The following WWOX variants were observed in gnomAD, a reference collection of about 807,000 sequenced individuals.
WWOX encodes WW domain containing oxidoreductase.
In WWOX, 69 loss-of-function variants were observed where a neutral mutation model predicts 46.2. That is an observed-to-expected ratio of 1.49 (90% confidence interval 1.23 to 1.82). The LOEUF is 1.82. Among genes scored for constraint, WWOX ranks in the 40% most tolerant of loss-of-function variants. WWOX has a pLI of 0.00. For synonymous variants in WWOX, 359 were observed against 202.6 expected (o/e 1.77, Z -6.56); for missense variants, 919 against 542.6 (o/e 1.69, Z -6.89).
intron 8 of WWOX, among the ~76,000 whole-genome samples, chr16:78,636,465 T>C (rs1323260446): frequency 6.6e-6 from 1 of 152,212 alleles, no homozygotes; most frequent in East Asian, 1.9e-4. Context: ...CTCTTTTGAA[T>C]AAACTGATAC....
At chr16:79,172,804 T>C (rs531493278) in intron 8 of WWOX, among the ~76,000 whole-genome samples, 1 of 151,238 alleles carries the variant, frequency 6.6e-6, no homozygotes, top group East Asian at 2.0e-4. Context: ...GATGAGAGGA[T>C]CACTTGAGCC....
intron 4 of WWOX, among the ~76,000 whole-genome samples, chr16:78,159,519 C>G (rs1597285677): frequency 6.6e-6 from 1 of 151,982 alleles, no homozygotes; most frequent in Non-Finnish European, 1.5e-5. Flanking sequence ...TGAGAACCAC[C>G]TTAAGAGGTG....
chr16:78,770,436 C>G (rs368557503), intron 8 of WWOX, among the ~76,000 whole-genome samples: 57 of 152,276 alleles, frequency 3.7e-4, no homozygotes, highest in African/African-American at 1.3e-3. Flanking sequence ...GCAGTACACC[C>G]AGGAAAGAGC....
chr16:78,410,702 G>T (rs2082659542), intron 6 of WWOX, among the ~76,000 whole-genome samples: 2 of 151,610 alleles, frequency 1.3e-5, no homozygotes, highest in South Asian at 4.2e-4. Flanking sequence ...GTTAGTTGGG[G>T]GGCTAAGGCT....
At chr16:78,741,401 T>G (rs934016051) in intron 8 of WWOX, among the ~76,000 whole-genome samples, 1 of 151,478 alleles carries the variant, frequency 6.6e-6, no homozygotes, top group African/African-American at 2.4e-5. Flanking sequence ...TCTCTACTAA[T>G]AATACAAAAA....
chr16:78,750,356 C>T (rs1165516216), intron 8 of WWOX, among the ~76,000 whole-genome samples: 3 of 152,116 alleles, frequency 2.0e-5, no homozygotes, highest in African/African-American at 7.2e-5. Context: ...GACCAGGACT[C>T]CTAGTTGTGA....
At chr16:78,362,627 A>G (rs1326396979) in intron 5 of WWOX, among the ~76,000 whole-genome samples, 1 of 152,178 alleles carries the variant, frequency 6.6e-6, no homozygotes, top group East Asian at 1.9e-4. Context: ...CCTGCAAAAA[A>G]AGAAAAGAAA....
At chr16:78,718,029 G>T (rs1256065920) in intron 8 of WWOX, among the ~76,000 whole-genome samples, 1 of 151,146 alleles carries the variant, frequency 6.6e-6, no homozygotes, top group African/African-American at 2.5e-5. Flanking sequence ...AATGGTATTA[G>T]CCTGCCAGAC....
At chr16:78,467,544 T>C (rs1268355844) in intron 8 of WWOX, among the ~76,000 whole-genome samples, 1 of 152,230 alleles carries the variant, frequency 6.6e-6, no homozygotes, top group African/African-American at 2.4e-5. Flanking sequence ...AAACTGACTG[T>C]AATGTCTCTT....
intron 8 of WWOX, among the ~76,000 whole-genome samples, chr16:78,772,990 G>T (rs574405476): frequency 1.4e-3 from 215 of 152,252 alleles, no homozygotes; most frequent in Non-Finnish European, 2.5e-3. Flanking sequence ...ATGCCGCTGT[G>T]CTCCAGCCTG....
At chr16:78,690,085 T>G (rs775134809) in intron 8 of WWOX, among the ~76,000 whole-genome samples, 1 of 152,154 alleles carries the variant, frequency 6.6e-6, no homozygotes. Flanking sequence ...GGTCTCGATC[T>G]CCTGACCTCA....
chr16:78,706,121 AT>A (rs2048324208), intron 8 of WWOX, among the ~76,000 whole-genome samples: 1 of 143,422 alleles, frequency 7.0e-6, no homozygotes, highest in Non-Finnish European at 1.5e-5. Context: ...TGATCACAGC[AT>A]GTTTATAAAA....
At chr16:78,769,950 A>G (rs931286525) in intron 8 of WWOX, among the ~76,000 whole-genome samples, 8 of 152,186 alleles carry the variant, frequency 5.3e-5, no homozygotes, top group Non-Finnish European at 8.8e-5. Flanking sequence ...AGGCTGAAGC[A>G]GGAGGATCGC....
intron 5 of WWOX, among the ~76,000 whole-genome samples, chr16:78,329,921 G>C (rs1334789458): frequency 6.6e-6 from 1 of 151,686 alleles, no homozygotes. Flanking sequence ...TAATCTTTTA[G>C]TTTTTGTAGA....
intron 7 of WWOX, among the ~76,000 whole-genome samples, chr16:78,430,217 C>T (rs1405595129): frequency 6.6e-6 from 1 of 152,118 alleles, no homozygotes; most frequent in Admixed American, 6.6e-5. Context: ...GAGACTTATT[C>T]ACTACCATGA....
chr16:78,166,295 C>T (rs975190183), intron 5 of WWOX, among the ~76,000 whole-genome samples: 1 of 152,064 alleles, frequency 6.6e-6, no homozygotes, highest in African/African-American at 2.4e-5. Flanking sequence ...CTTTGGTGGC[C>T]ATTTAGGTTG....
intron 8 of WWOX, among the ~76,000 whole-genome samples, chr16:78,577,161 C>T (rs113764046): frequency 1.3e-5 from 2 of 152,242 alleles, no homozygotes; most frequent in East Asian, 3.9e-4. Context: ...CTTAACACAT[C>T]CCATCACTTT....
At chr16:79,134,172 GAT>G (rs1491524513) in intron 8 of WWOX, among the ~76,000 whole-genome samples, 3 of 135,642 alleles carry the variant, frequency 2.2e-5, no homozygotes, top group Non-Finnish European at 3.1e-5. Context: ...ATTATCTTAT[GAT>G]TTTTTTTTCT....
chr16:78,756,814 G>T (rs1226558446), intron 8 of WWOX: 2 of 561,242 alleles, frequency 3.6e-6, no homozygotes, highest in Admixed American at 2.6e-5. Context: ...TAGTCTTCTC[G>T]GACACCTAAT....
Sources: gnomAD v4.1 joint callset for allele counts (sites outside exome capture counted in the v4.1 genomes callset) on GRCh38, gnomAD v4.1.1 for gene constraint, MANE v1.5 for transcripts, NCBI Gene and HGNC (gene_info 2026-07-23, HGNC 2026-07-21) for gene names.